MAP7: variants seen among roughly 807,000 people sequenced by gnomAD.
MAP7 encodes the protein ensconsin.
In MAP7, 52 loss-of-function variants were observed where a neutral mutation model predicts 94.8. The ratio of observed to expected loss-of-function variants is 0.55; its 90% CI spans 0.44 to 0.69. The LOEUF is 0.69. Among genes scored for constraint, MAP7 ranks in the 30% least tolerant of loss-of-function variants. The pLI, the probability that MAP7 is intolerant of heterozygous loss-of-function variation, is 0.00. For synonymous variants in MAP7, 350 were observed against 357.0 expected, an observed-to-expected ratio of 0.98 and a Z score of 0.22; for missense variants, 940 against 964.6, an observed-to-expected ratio of 0.97 and a Z score of 0.34.
At chr6:136,431,760 C>T (rs1382964376) in intron 1 of MAP7, among the ~76,000 whole-genome samples, 1 of 152,138 alleles carries the variant, frequency 6.6e-6, no homozygotes, top group Non-Finnish European at 1.5e-5. Context: ...CCAGGTGATC[C>T]TCGCACCTCG....
intron 1 of MAP7, among the ~76,000 whole-genome samples, chr6:136,454,811 A>G (rs1802377068): frequency 6.6e-6 from 1 of 152,028 alleles, no homozygotes; most frequent in South Asian, 2.1e-4. Context: ...ATATGGGAGG[A>G]TGGCTTAAGC....
chr6:136,548,094 ACCACCCCCCC>A (rs2129063328), intron 1 of MAP7, among the ~76,000 whole-genome samples: 1 of 54,476 alleles, frequency 1.8e-5, no homozygotes, highest in South Asian at 6.9e-4. Flanking sequence ...ACCCACCACC[ACCACCCCCCC>A]CCACCCCCCC....
At position 136,495,473 on chromosome 6, in the gene MAP7, CACACACACACATAA is replaced by C. The variant is rs1199433562; in HGVS notation, c.67+54855_67+54868del. On this transcript the variant is annotated intron_variant, in intron 1 of 17. Coordinates refer to ENST00000354570, the MANE Select transcript of MAP7 (RefSeq NM_003980.6). ...GAGAATACACACACACACACACACA[CACACACACACATAA>C]ACACACACACACGTAGAGCATATCT... 3.3e-5 allele frequency among the ~76,000 whole-genome samples: 5 copies of C among 152,004 alleles called. No individual in the cohort carries two copies. The South Asian group carries it at 6.2e-4, about 19-fold the overall frequency.
intron 1 of MAP7, among the ~76,000 whole-genome samples, chr6:136,459,743 G>A (rs1315297118): frequency 6.6e-6 from 1 of 152,096 alleles, no homozygotes; most frequent in South Asian, 2.1e-4. Flanking sequence ...CATGGGCCAC[G>A]GGGAGGAGAA....
At position 136,356,715 on chromosome 6, in the gene MAP7, G is replaced by C; in HGVS notation, c.1992C>G (p.His664Gln). 1.2e-6 allele frequency: 2 copies of C among 1,614,092 alleles called. No homozygotes were observed. The highest frequency in any genetic ancestry group is 1.7e-6 in the Non-Finnish European group (2 of 1,180,002). The change falls in exon 16 of 18, where the codon CAC becomes CAG. Residue 664 changes from histidine (H) to glutamine (Q), a missense_variant. His to Gln is a conservative substitution (Grantham distance 24). Coordinates refer to ENST00000354570, the MANE Select transcript of MAP7 (RefSeq NM_003980.6). ...PVGSPHVVTS[H>Q]QSKVTVESTP... ...ACCTCTCCACTGTCACTTTTGACTG[G>C]TGTGAGGTAACCACATGTGGGCTGC...
intron 16 of MAP7, among the ~76,000 whole-genome samples, chr6:136,353,413 TCAAA>T (rs1789791184): frequency 6.6e-6 from 1 of 152,168 alleles, no homozygotes; most frequent in Non-Finnish European, 1.5e-5. Context: ...TTAAAGCAGT[TCAAA>T]CAGAGAGAAG....
chr6:136,517,888 C>T (rs1003553654), intron 1 of MAP7, among the ~76,000 whole-genome samples: 5 of 152,114 alleles, frequency 3.3e-5, no homozygotes, highest in African/African-American at 7.2e-5. Context: ...GGCTCAGAGG[C>T]GACAACTGGT....
At chr6:136,512,036 G>T (rs1375152830) in intron 1 of MAP7, among the ~76,000 whole-genome samples, 1 of 152,192 alleles carries the variant, frequency 6.6e-6, no homozygotes, top group African/African-American at 2.4e-5. Context: ...AAAGGCTAGT[G>T]GACAAAGGTC....
intron 1 of MAP7, among the ~76,000 whole-genome samples, chr6:136,429,808 A>C (rs749400176): frequency 1.3e-5 from 2 of 152,266 alleles, no homozygotes; most frequent in African/African-American, 2.4e-5. Context: ...TCCTTCAGCC[A>C]GATGGCAACA....
Position 136,504,351 on chromosome 6 carries a change from G to GT in MAP7, c.67+45990dup, listed in dbSNP as rs1057196392. 2.8e-3 allele frequency among the ~76,000 whole-genome samples: 409 copies of GT among 146,022 alleles called. 2 individuals carry two copies. The highest frequency in any genetic ancestry group is 9.7e-3 in the South Asian group (44 of 4,556). On this transcript the variant is annotated intron_variant, in intron 1 of 17. Coordinates refer to ENST00000354570, the MANE Select transcript of MAP7 (RefSeq NM_003980.6). ...CCATAAATACATCGTTTTTTGTTTT[G>GT]TTTTTTTTTTGGGGGGGAACAGAGC...
At chr6:136,426,725 G>A (rs1312946951) in intron 1 of MAP7, among the ~76,000 whole-genome samples, 1 of 152,240 alleles carries the variant, frequency 6.6e-6, no homozygotes, top group African/African-American at 2.4e-5. Flanking sequence ...GCAGGTTTAG[G>A]AAGGGAGGCA....
chr6:136,403,167 C>T (rs1401976834), intron 3 of MAP7, among the ~76,000 whole-genome samples: 2 of 152,132 alleles, frequency 1.3e-5, no homozygotes, highest in African/African-American at 2.4e-5. Context: ...GAGGCACAGA[C>T]ATCCCCCACC....
At chr6:136,497,468 A>C (rs184353841) in intron 1 of MAP7, among the ~76,000 whole-genome samples, 1 of 151,570 alleles carries the variant, frequency 6.6e-6, no homozygotes, top group Non-Finnish European at 1.5e-5. Flanking sequence ...TTGTTATCTT[A>C]TGTAAAATGC....
At chr6:136,398,863 G>A (rs192985271) in intron 3 of MAP7, among the ~76,000 whole-genome samples, 7 of 152,156 alleles carry the variant, frequency 4.6e-5, no homozygotes, top group Non-Finnish European at 1.0e-4. Context: ...GTGCACTCAT[G>A]GGTTGTGTGC....
intron 1 of MAP7, among the ~76,000 whole-genome samples, chr6:136,533,643 G>A (rs1828653976): frequency 6.6e-6 from 1 of 152,200 alleles, no homozygotes; most frequent in Non-Finnish European, 1.5e-5. Context: ...GGAGCACAGT[G>A]CTGGTATTTG....
At chr6:136,535,937 C>T (rs1828852203) in intron 1 of MAP7, among the ~76,000 whole-genome samples, 2 of 151,988 alleles carry the variant, frequency 1.3e-5, no homozygotes, top group South Asian at 2.1e-4. Flanking sequence ...TGATGTTCCC[C>T]TTCCCGTGTC....
chr6:136,521,380 A>G (rs1483460810), intron 1 of MAP7, among the ~76,000 whole-genome samples: 1 of 152,198 alleles, frequency 6.6e-6, no homozygotes, highest in Non-Finnish European at 1.5e-5. Flanking sequence ...GGAAAGACTG[A>G]AAGCAGGAAG....
intron 5 of MAP7, among the ~76,000 whole-genome samples, chr6:136,384,494 CT>C (rs760985416): frequency 2.7e-3 from 386 of 140,444 alleles, no homozygotes; most frequent in African/African-American, 4.1e-3. Context: ...TTTAAAATTT[CT>C]TTTTTTTTTT....
chr6:136,374,357 T>C (rs766731744), intron 7 of MAP7, among the ~76,000 whole-genome samples: 3 of 152,190 alleles, frequency 2.0e-5, no homozygotes, highest in Non-Finnish European at 4.4e-5. Flanking sequence ...AGTTCACTAA[T>C]GCAAAATTCT....
Sources: allele counts gnomAD v4.1 joint callset (sites outside exome capture counted in the v4.1 genomes callset), GRCh38; gene constraint gnomAD v4.1.1; transcripts MANE v1.5; gene names NCBI Gene and HGNC (gene_info 2026-07-23, HGNC 2026-07-21).